Variants in CHD1L observed in about 807,000 individuals in gnomAD.
CHD1L encodes the protein ATP-dependent chromatin remodeler CHD1L.
A neutral mutation model predicts 115.9 loss-of-function variants in CHD1L; 118 were observed. That is an observed-to-expected ratio of 1.02 (90% CI 0.88 to 1.19). CHD1L has a LOEUF of 1.19. CHD1L is among the 50% of genes most tolerant of loss of function. CHD1L has a pLI of 0.00. For missense variants in CHD1L, 1,179 were observed against 1,065.3 expected (o/e 1.11, Z -1.49); for synonymous variants, 411 against 387.1 (o/e 1.06, Z -0.72).
chr1:147,191,466 G>C, the CHD1L span, among the ~76,000 whole-genome samples: 1 of 152,006 alleles, frequency 6.6e-6, no homozygotes, highest in South Asian at 2.1e-4. Flanking sequence ...GTATTTTTTG[G>C]CTGCATAAAT....
the CHD1L span, chr1:147,201,468 C>T: frequency 6.2e-7 from 1 of 1,613,998 alleles, no homozygotes; most frequent in Non-Finnish European, 8.5e-7. Flanking sequence ...TACGATTTGG[C>T]AGGTCATCAT....
At chr1:147,232,283 G>C in the CHD1L span, among the ~76,000 whole-genome samples, 487 of 152,260 alleles carry the variant, frequency 3.2e-3, 1 homozygote, top group Non-Finnish European at 5.1e-3. Flanking sequence ...GTCATTTCTA[G>C]CACAGTGTCT....
chr1:147,284,255 G>GGTT, intron 15 of CHD1L, 96 bp from the exon 16 acceptor site: 1 of 974,978 alleles, frequency 1.0e-6, no homozygotes, highest in Non-Finnish European at 1.5e-6. Flanking sequence ...TAGAATATAG[G>GGTT]CTGTTCTCCT....
chr1:147,206,245 A>T, the CHD1L span, among the ~76,000 whole-genome samples: 1 of 151,512 alleles, frequency 6.6e-6, no homozygotes, highest in Non-Finnish European at 1.5e-5. Flanking sequence ...TAGAATGGCG[A>T]TCATTAAAAA....
the CHD1L span, among the ~76,000 whole-genome samples, chr1:147,214,095 A>G: frequency 1.3e-5 from 2 of 152,200 alleles, no homozygotes; most frequent in Non-Finnish European, 2.9e-5. Context: ...TACCCTACTT[A>G]GGTTAAGGAA....
chr1:147,197,410 G>A, the CHD1L span, among the ~76,000 whole-genome samples: 4 of 152,190 alleles, frequency 2.6e-5, no homozygotes, highest in African/African-American at 9.6e-5. Context: ...TTACTTGTCT[G>A]TCTTTGATAT....
chr1:147,203,965 T>G, the CHD1L span: 2 of 1,225,728 alleles, frequency 1.6e-6, no homozygotes, highest in East Asian at 2.3e-5. Context: ...TTTTACAGAG[T>G]CTTCGGACAT....
chr1:147,203,623 A>G, the CHD1L span: 1 of 1,234,734 alleles, frequency 8.1e-7, no homozygotes, highest in South Asian at 1.2e-5. Flanking sequence ...ACTTCTTAAT[A>G]GCGTACTGTT....
chr1:147,263,499 TA>T (rs1672730378), intron 6 of CHD1L, among the ~76,000 whole-genome samples: 1 of 152,174 alleles, frequency 6.6e-6, no homozygotes, highest in Admixed American at 6.5e-5. Context: ...ATGTATTGTT[TA>T]ATTCTACTAA....
At chr1:147,275,626 T>C (rs1678105467) in intron 13 of CHD1L, among the ~76,000 whole-genome samples, 158 bp downstream of exon 13, 1 of 152,036 alleles carries the variant, frequency 6.6e-6, no homozygotes, top group Non-Finnish European at 1.5e-5. Context: ...TAGTATTGGG[T>C]GGGTCACATT....
At chr1:147,292,987 C>A (rs1320754374) in intron 20 of CHD1L, among the ~76,000 whole-genome samples, 1 of 145,234 alleles carries the variant, frequency 6.9e-6, no homozygotes, top group Admixed American at 7.0e-5. Flanking sequence ...TTCTAAAATG[C>A]TAAAAAAGGA....
At chr1:147,262,731 C>CAAAA (rs11414167) in intron 6 of CHD1L, among the ~76,000 whole-genome samples, 27 of 149,840 alleles carry the variant, frequency 1.8e-4, no homozygotes, top group South Asian at 1.1e-3. Flanking sequence ...AGGGAGATGG[C>CAAAA]AAAAAAAAAA....
intron 19 of CHD1L, among the ~76,000 whole-genome samples, chr1:147,290,643 CTATT>C (rs1236319894): frequency 2.6e-5 from 4 of 151,918 alleles, no homozygotes; most frequent in South Asian, 2.1e-4. Context: ...TTCCCTGGCT[CTATT>C]TGTCAGAGTT....
intron 12 of CHD1L, 68 bp from the exon 13 acceptor site, chr1:147,275,286 C>A: frequency 8.5e-7 from 1 of 1,173,956 alleles, no homozygotes; most frequent in Non-Finnish European, 1.3e-6. Flanking sequence ...CCCACTCTAG[C>A]CTTGTGCTTA....
the CHD1L span, chr1:147,190,171 T>G: frequency 6.3e-7 from 1 of 1,585,540 alleles, no homozygotes. Flanking sequence ...TGGGAGAGTT[T>G]CTTACCTTTT....
At chr1:147,249,278 T>C (rs12060046) in intron 1 of CHD1L, among the ~76,000 whole-genome samples, 32,773 of 152,018 alleles carry the variant, frequency 0.22, 3,724 homozygotes, top group Middle Eastern at 0.28. Flanking sequence ...TGACAAGAAA[T>C]CTGCTTGCAT....
At chr1:147,220,114 A>G in the CHD1L span, among the ~76,000 whole-genome samples, 1 of 152,196 alleles carries the variant, frequency 6.6e-6, no homozygotes, top group African/African-American at 2.4e-5. Context: ...CTGGGATTAC[A>G]GGCATGAGCC....
chr1:147,177,516 T>C, the CHD1L span, among the ~76,000 whole-genome samples: 1 of 152,078 alleles, frequency 6.6e-6, no homozygotes, highest in Non-Finnish European at 1.5e-5. Context: ...AAGAGCGCAG[T>C]ATGGAAAGGA....
intron 18 of CHD1L, among the ~76,000 whole-genome samples, chr1:147,287,143 C>T (rs587644679): frequency 3.9e-5 from 6 of 152,286 alleles, no homozygotes; most frequent in South Asian, 2.1e-4. Context: ...GTGCCTAGAA[C>T]GATGCCTTAC....
Sources: gnomAD v4.1 joint callset for allele counts (sites outside exome capture counted in the v4.1 genomes callset) on GRCh38, gnomAD v4.1.1 for gene constraint, MANE v1.5 for transcripts, NCBI Gene and HGNC (gene_info 2026-07-23, HGNC 2026-07-21) for gene names.